Variants in CSMD1 observed in about 807,000 individuals in gnomAD.
CSMD1 encodes the protein CUB and sushi domain-containing protein 1.
In CSMD1, 213 loss-of-function variants were observed where a neutral mutation model predicts 417.5. The observed-to-expected ratio is 0.51, with a 90% CI of 0.46 to 0.57. The LOEUF is 0.57. CSMD1 is among the 20% of genes least tolerant of loss of function. The probability of loss-of-function intolerance (pLI) is 0.00; values close to 1 mark genes in which losing one functional copy is unlikely to be tolerated. For synonymous variants in CSMD1, 2,862 were observed against 1,736.8 expected, an observed-to-expected ratio of 1.65 and a Z score of -16.11; for missense variants, 6,923 against 4,529.7, an observed-to-expected ratio of 1.53 and a Z score of -15.17.
At chr8:3,429,457 C>G (rs1814070579) in intron 12 of CSMD1, among the ~76,000 whole-genome samples, 1 of 152,190 alleles carries the variant, frequency 6.6e-6, no homozygotes. Context: ...CAAAGCAACA[C>G]TTGTACACAG....
intron 5 of CSMD1, among the ~76,000 whole-genome samples, chr8:3,987,603 G>C (rs1423055618): frequency 6.6e-6 from 1 of 152,148 alleles, no homozygotes; most frequent in Non-Finnish European, 1.5e-5. Flanking sequence ...CTCACTCTAA[G>C]GCCAATTCTG....
At chr8:4,298,024 T>C (rs895166720) in intron 3 of CSMD1, among the ~76,000 whole-genome samples, 2 of 152,146 alleles carry the variant, frequency 1.3e-5, no homozygotes, top group African/African-American at 2.4e-5. Flanking sequence ...CTTCAATAAA[T>C]TGATTTTATA....
At chr8:4,805,300 A>T (rs1490360398) in intron 1 of CSMD1, among the ~76,000 whole-genome samples, 1 of 152,246 alleles carries the variant, frequency 6.6e-6, no homozygotes, top group African/African-American at 2.4e-5. Context: ...TCTATGCAAT[A>T]TGCTTCATGT....
At chr8:4,002,901 T>G (rs1815802846) in intron 4 of CSMD1, among the ~76,000 whole-genome samples, 1 of 152,204 alleles carries the variant, frequency 6.6e-6, no homozygotes, top group African/African-American at 2.4e-5. Context: ...ATATAATATA[T>G]GGTCTCAAAT....
chr8:3,860,827 C>A (rs112418692), intron 5 of CSMD1, among the ~76,000 whole-genome samples: 1 of 152,228 alleles, frequency 6.6e-6, no homozygotes. Context: ...GGTGAACAAA[C>A]GTGTTCTCTA....
At chr8:4,572,724 T>A (rs1490343200) in intron 2 of CSMD1, among the ~76,000 whole-genome samples, 1 of 152,192 alleles carries the variant, frequency 6.6e-6, no homozygotes, top group Non-Finnish European at 1.5e-5. Flanking sequence ...TCCAACTTGG[T>A]TCCATTCTCC....
In CSMD1 at chr8:4,782,057, T is replaced by G. The variant is rs113061431; in HGVS notation, c.86-144499A>C. On this transcript the variant is annotated intron_variant, in intron 1 of 69. Coordinates refer to ENST00000635120, the MANE Select transcript of CSMD1 (RefSeq NM_033225.6). ...AAATTATAGCCCACTAAACACCAAT[T>G]ATTTCAAATTACAGTAGCACAAGCA... Among the ~76,000 whole-genome samples, 255 of 152,294 alleles carry G rather than the reference T, an allele frequency of 1.7e-3. 1 individual carries two copies. The highest frequency in any genetic ancestry group is 5.9e-3 in the African/African-American group (245 of 41,564).
chr8:4,981,495 C>A (rs1209207920), intron 1 of CSMD1, among the ~76,000 whole-genome samples: 5 of 152,208 alleles, frequency 3.3e-5, no homozygotes, highest in African/African-American at 9.7e-5. Context: ...CACAAATGCA[C>A]TGGGGAAAAT....
chr8:3,871,063 C>T (rs757308618), intron 5 of CSMD1, among the ~76,000 whole-genome samples: 43 of 151,868 alleles, frequency 2.8e-4, no homozygotes, highest in Non-Finnish European at 5.7e-4. Context: ...TATTCCATGA[C>T]TTACGTATGT....
chr8:3,551,557 G>C (rs1446736247), intron 10 of CSMD1, among the ~76,000 whole-genome samples: 1 of 144,002 alleles, frequency 6.9e-6, no homozygotes. Flanking sequence ...TCTCTTTTCA[G>C]AATTGTCTTC....
At chr8:4,583,091 C>T (rs1304814205) in intron 2 of CSMD1, among the ~76,000 whole-genome samples, 5 of 152,190 alleles carry the variant, frequency 3.3e-5, no homozygotes, top group African/African-American at 7.2e-5. Context: ...ACCTGCAGCC[C>T]GCCGTGCCTG....
intron 1 of CSMD1, among the ~76,000 whole-genome samples, chr8:4,835,685 G>A (rs1304579368): frequency 6.6e-6 from 1 of 152,030 alleles, no homozygotes; most frequent in Non-Finnish European, 1.5e-5. Context: ...TCTTTTATTT[G>A]CCACAATGAT....
intron 7 of CSMD1, among the ~76,000 whole-genome samples, chr8:3,672,076 A>G (rs529930561): frequency 6.6e-5 from 10 of 152,320 alleles, no homozygotes; most frequent in African/African-American, 2.4e-4. Flanking sequence ...CTTACTTTCA[A>G]AGTGTATCAT....
At chr8:4,710,565 T>C (rs1001988571) in intron 1 of CSMD1, among the ~76,000 whole-genome samples, 4 of 150,684 alleles carry the variant, frequency 2.7e-5, no homozygotes, top group Non-Finnish European at 5.9e-5. Context: ...AAAAATGGCT[T>C]CTGGGTGCGG....
intron 37 of CSMD1, among the ~76,000 whole-genome samples, chr8:3,179,076 C>T (rs568882637): frequency 1.6e-3 from 240 of 151,148 alleles, no homozygotes; most frequent in South Asian, 3.9e-3. Context: ...GCCTCCTGAG[C>T]AGCTGGGACT....
intron 5 of CSMD1, among the ~76,000 whole-genome samples, chr8:3,762,751 G>A (rs529690064): frequency 6.6e-6 from 1 of 152,206 alleles, no homozygotes; most frequent in African/African-American, 2.4e-5. Flanking sequence ...GCTCGGCTTG[G>A]TTTATTCCCA....
chr8:3,411,236 C>T (rs1179666028), intron 12 of CSMD1, among the ~76,000 whole-genome samples: 1 of 152,188 alleles, frequency 6.6e-6, no homozygotes, highest in Non-Finnish European at 1.5e-5. Context: ...TTTCTCTGGA[C>T]ACCAGTCCCA....
In CSMD1 at chr8:4,166,811, C is replaced by A. The variant is rs76975957; in HGVS notation, c.416-134712G>T. ...AATGATCAGGGTGTGTTTAATGAGA[C>A]AATATTTTACACTACTTATCTTTTT... On this transcript the variant is annotated intron_variant, in intron 3 of 69. Transcript: ENST00000635120. Among the ~76,000 whole-genome samples the A allele has an allele frequency of 1.0e-3, 157 of 152,234 alleles. 1 individual carries two copies. Among genetic ancestry groups the A allele is most frequent in the African/African-American group, 3.6e-3 (151 of 41,526 alleles).
chr8:3,149,113 G>T (rs1292643858), intron 40 of CSMD1, among the ~76,000 whole-genome samples: 3 of 151,858 alleles, frequency 2.0e-5, no homozygotes, highest in African/African-American at 4.8e-5. Flanking sequence ...AGTTTGTTTA[G>T]GTTTATAGAT....
Sources: allele counts gnomAD v4.1 joint callset (sites outside exome capture counted in the v4.1 genomes callset), GRCh38; gene constraint gnomAD v4.1.1; transcripts MANE v1.5; gene names NCBI Gene and HGNC (gene_info 2026-07-23, HGNC 2026-07-21).